Variants in WDR89 observed in about 807,000 individuals in gnomAD.
WDR89 encodes the protein WD repeat domain 89, also known as WD repeat-containing protein 89.
Under a neutral mutation model 29.1 loss-of-function variants are expected in WDR89, and 17 were observed. That is an observed-to-expected ratio of 0.58 (90% CI 0.40 to 0.88). WDR89 has a LOEUF of 0.88. Among genes scored for constraint, WDR89 ranks in the 40% least tolerant of loss-of-function variants. WDR89 has a pLI of 0.00. For synonymous variants in WDR89, 138 were observed against 157.8 expected, an observed-to-expected ratio of 0.87 and a Z score of 0.94; for missense variants, 396 against 456.3, an observed-to-expected ratio of 0.87 and a Z score of 1.20.
intron 2 of WDR89, among the ~76,000 whole-genome samples, chr14:63,603,138 G>A (rs547035624): frequency 1.2e-4 from 18 of 152,138 alleles, no homozygotes; most frequent in African/African-American, 4.1e-4. Context: ...TTCCTTTGGA[G>A]ATGGCATCAC....
chr14:63,602,101 AACTC>A (rs1171238667), intron 2 of WDR89, among the ~76,000 whole-genome samples: 1 of 152,222 alleles, frequency 6.6e-6, no homozygotes, highest in Non-Finnish European at 1.5e-5. Context: ...AATGAGTACT[AACTC>A]AAGAACTGTT....
chr14:63,613,564 C>T (rs939961027), intron 2 of WDR89, among the ~76,000 whole-genome samples: 9 of 148,014 alleles, frequency 6.1e-5, no homozygotes, highest in African/African-American at 1.8e-4. Context: ...AGTGCAGTGG[C>T]GTGATCTCGG....
chr14:63,635,869 C>G (rs566884889), intron 1 of WDR89, among the ~76,000 whole-genome samples: 1 of 152,178 alleles, frequency 6.6e-6, no homozygotes, highest in Non-Finnish European at 1.5e-5. Flanking sequence ...GAACTCAACC[C>G]CTTTTACAAT....
At chr14:63,638,191 C>T (rs141956533) in intron 1 of WDR89, among the ~76,000 whole-genome samples, 11,010 of 152,086 alleles carry the variant, frequency 0.072, 506 homozygotes, top group Non-Finnish European at 0.09. Context: ...GTAATCCACC[C>T]GCCTCGGCCT....
chr14:63,626,194 CTAAAA>C (rs941243360), intron 1 of WDR89, among the ~76,000 whole-genome samples: 2 of 151,824 alleles, frequency 1.3e-5, no homozygotes, highest in African/African-American at 2.4e-5. Flanking sequence ...AAAAACATAA[CTAAAA>C]TAAGGTAAAA....
At chr14:63,611,331 G>C (rs1881973330) in intron 2 of WDR89, among the ~76,000 whole-genome samples, 1 of 99,998 alleles carries the variant, frequency 1.0e-5, no homozygotes, top group South Asian at 3.7e-4. Context: ...GCCAGGCCCT[G>C]TCGCAAAAAA....
intron 2 of WDR89, among the ~76,000 whole-genome samples, chr14:63,607,992 G>A (rs1474632322): frequency 6.6e-6 from 1 of 152,068 alleles, no homozygotes; most frequent in African/African-American, 2.4e-5. Flanking sequence ...CAGATCACGA[G>A]GTCAGGAGTT....
At chr14:63,637,073 C>A (rs1379868402) in intron 1 of WDR89, among the ~76,000 whole-genome samples, 1 of 151,602 alleles carries the variant, frequency 6.6e-6, no homozygotes, top group East Asian at 1.9e-4. Context: ...AGAAAAAAAA[C>A]AAACAAGCCC....
chr14:63,622,797 G>C (rs1048060744), intron 2 of WDR89, among the ~76,000 whole-genome samples: 13 of 152,060 alleles, frequency 8.5e-5, no homozygotes, highest in African/African-American at 3.1e-4. Context: ...TAAAATGCAT[G>C]ACAATAATAG....
Position 63,624,943 on chromosome 14 carries a change from T to G in WDR89, c.-47A>C, listed in dbSNP as rs1424018821. The G allele has an allele frequency of 6.6e-6, 1 of 152,180 alleles. No individual in the cohort carries two copies. Among genetic ancestry groups the G allele is most frequent in the Non-Finnish European group, 1.5e-5 (1 of 68,040 alleles). The allele number at this position is 152,180 out of a possible 1,614,324, so 9.4% of individuals were successfully genotyped here. ...ACATACTTACCCAGCAAGCCCACTT[T>G]TAGGTATTTACTCAAGAGAAATGAC... On this transcript the variant is annotated 5_prime_UTR_variant, in exon 2 of 3. Transcript: ENST00000620954.
At chr14:63,603,790 A>G (rs991779183) in intron 2 of WDR89, among the ~76,000 whole-genome samples, 1 of 152,160 alleles carries the variant, frequency 6.6e-6, no homozygotes, top group African/African-American at 2.4e-5. Context: ...TCTTCCTTCA[A>G]CTTAAGTATT....
chr14:63,624,522 AAAG>A (rs1882913417), intron 2 of WDR89, among the ~76,000 whole-genome samples: 1 of 151,822 alleles, frequency 6.6e-6, no homozygotes, highest in South Asian at 2.1e-4. Context: ...AAAAAAAAAA[AAAG>A]AAAATGCCAA....
At chr14:63,611,335 CA>C (rs769975882) in intron 2 of WDR89, among the ~76,000 whole-genome samples, 3,471 of 22,778 alleles carry the variant, frequency 0.15, 39 homozygotes, top group African/African-American at 0.27. Context: ...GGCCCTGTCG[CA>C]AAAAAAAAAA....
rs1180609594 is a variant in WDR89 at position 63,598,724 on chromosome 14, CAAG to C, written c.*52_*54del. 48 of 1,458,264 alleles carry C rather than the reference CAAG, an allele frequency of 3.3e-5. No individual in the cohort carries two copies. In the Middle Eastern group the frequency reaches 1.1e-3, roughly 35 times the overall value. The allele number at this position is 1,458,264 out of a possible 1,614,324, so 90.3% of individuals were successfully genotyped here. A position where few individuals can be genotyped will look rare whatever the true frequency, so the allele number is the denominator to read the frequency against. ...AAACATGTCTACCATGGGTAGTAAA[CAAG>C]AAGGACTATTTGAAACTATAAAACC... is the stretch of plus-strand genomic sequence containing the variant. On this transcript the variant is annotated 3_prime_UTR_variant, in exon 3 of 3. Transcript: ENST00000620954.
chr14:63,623,194 T>A (rs1373929077), intron 2 of WDR89, among the ~76,000 whole-genome samples: 10 of 92,412 alleles, frequency 1.1e-4, no homozygotes, highest in Admixed American at 3.4e-4. Flanking sequence ...AAAAACCAGG[T>A]CTCAAAAAAA....
intron 2 of WDR89, among the ~76,000 whole-genome samples, chr14:63,615,512 G>C (rs1882244365): frequency 6.6e-6 from 1 of 152,190 alleles, no homozygotes; most frequent in Admixed American, 6.5e-5. Context: ...TCCTGTTACA[G>C]AATGATGTTA....
chr14:63,626,311 A>C (rs2139554742), intron 1 of WDR89, among the ~76,000 whole-genome samples: 1 of 152,318 alleles, frequency 6.6e-6, no homozygotes, highest in African/African-American at 2.4e-5. Flanking sequence ...CCAAACAAAA[A>C]ATAATAGCTA....
Position 63,638,069 on chromosome 14 carries a change from C to T in WDR89, c.-138+3735G>A, listed in dbSNP as rs907838041. Among the ~76,000 whole-genome samples, 24 of 152,248 alleles carry T rather than the reference C, an allele frequency of 1.6e-4. No homozygotes were observed. The East Asian group carries it at 1.7e-3, about 11-fold the overall frequency. On this transcript the variant is annotated intron_variant, in intron 1 of 2. Coordinates refer to ENST00000620954, the MANE Select transcript of WDR89 (RefSeq NM_080666.4). The stretch of plus-strand genomic sequence containing the variant: ...CAAGTGATCCTCCTGCTTCAGCCCC[C>T]CAGTAGCTGGGACTACAGGCACGCA...
intron 1 of WDR89, among the ~76,000 whole-genome samples, chr14:63,627,144 ACACACACTCT>A (rs892127059): frequency 4.6e-5 from 6 of 131,570 alleles, no homozygotes; most frequent in African/African-American, 1.6e-4. Flanking sequence ...ACACACACAC[ACACACACTCT>A]CTCTCTCTCT....
Sources: allele counts gnomAD v4.1 joint callset (sites outside exome capture counted in the v4.1 genomes callset), GRCh38; gene constraint gnomAD v4.1.1; transcripts MANE v1.5; gene names NCBI Gene and HGNC (gene_info 2026-07-23, HGNC 2026-07-21).